HAPLN2: variants seen among roughly 807,000 people sequenced by gnomAD.
The protein encoded by HAPLN2 is brain link protein-1.
Under a neutral mutation model 29.3 loss-of-function variants are expected in HAPLN2, and 27 were observed. The ratio of observed to expected loss-of-function variants is 0.92; its 90% CI spans 0.68 to 1.27. The LOEUF (loss-of-function observed/expected upper bound fraction) is 1.27, where lower values mean the gene tolerates loss of function less well. Ranked by LOEUF, HAPLN2 falls within the 50% of genes most tolerant of loss-of-function variation. The pLI is 0.00. For missense variants in HAPLN2, 454 were observed against 484.3 expected, an observed-to-expected ratio of 0.94 and a Z score of 0.59; for synonymous variants, 208 against 211.7, an observed-to-expected ratio of 0.98 and a Z score of 0.15.
chr1:156,603,986 T>C, the HAPLN2 span, among the ~76,000 whole-genome samples: 2 of 152,106 alleles, frequency 1.3e-5, no homozygotes, highest in African/African-American at 4.8e-5. Flanking sequence ...AGCCTGTCCC[T>C]GGGGGCTATG....
the HAPLN2 span, among the ~76,000 whole-genome samples, chr1:156,609,463 C>A: frequency 3.7e-3 from 568 of 152,318 alleles, 5 homozygotes; most frequent in African/African-American, 0.013. Flanking sequence ...GTTAAATTAT[C>A]TACAATTAAG....
chr1:156,623,590 C>G lies in HAPLN2; in HGVS notation c.85+15C>G. 6.2e-7 allele frequency: 1 copy of G among 1,613,990 alleles called. No homozygotes were observed. The highest frequency in any genetic ancestry group is 8.5e-7 in the Non-Finnish European group (1 of 1,179,958). The stretch of plus-strand genomic sequence containing the variant: ...AGGAGACCCAGGTAAGACCCCAGCC[C>G]AGGCCAGAATCTGGGGGAGGCTTGG... On this transcript the variant is annotated intron_variant, in intron 3 of 6. Transcript: ENST00000255039.
At chr1:156,624,218 G>A in intron 4 of HAPLN2, 58 bp downstream of exon 4, 2 of 1,543,464 alleles carry the variant, frequency 1.3e-6, no homozygotes, top group Admixed American at 1.9e-5. Flanking sequence ...CCTCGCCTGG[G>A]TCTCCCAGGG....
At chr1:156,607,341 A>G in the HAPLN2 span, among the ~76,000 whole-genome samples, 4 of 152,124 alleles carry the variant, frequency 2.6e-5, no homozygotes, top group African/African-American at 4.8e-5. Context: ...TTAGCCAGGC[A>G]TGGTGGCACG....
At chr1:156,616,555 T>C (rs1001234390), upstream of HAPLN2, among the ~76,000 whole-genome samples, 2 of 152,142 alleles carry the variant, frequency 1.3e-5, no homozygotes, top group African/African-American at 4.8e-5. Flanking sequence ...GAAATGAGCC[T>C]GGGAATGGAT....
At chr1:156,603,071 T>G in the HAPLN2 span, among the ~76,000 whole-genome samples, 3 of 152,152 alleles carry the variant, frequency 2.0e-5, no homozygotes, top group Non-Finnish European at 4.4e-5. Flanking sequence ...CGATCGATCT[T>G]AATTACTGGA....
chr1:156,609,238 CCTCAGCA>C, the HAPLN2 span, among the ~76,000 whole-genome samples: 1 of 152,196 alleles, frequency 6.6e-6, no homozygotes, highest in Non-Finnish European at 1.5e-5. Context: ...CTGCAGGGGC[CCTCAGCA>C]CTGGGGATAC....
At chr1:156,605,444 CA>C in the HAPLN2 span, among the ~76,000 whole-genome samples, 1 of 149,700 alleles carries the variant, frequency 6.7e-6, no homozygotes, top group Non-Finnish European at 1.5e-5. Flanking sequence ...AAAAAAAATA[CA>C]AAAAATTAGC....
At chr1:156,613,981 T>TA in the HAPLN2 span, among the ~76,000 whole-genome samples, 1 of 150,320 alleles carries the variant, frequency 6.7e-6, no homozygotes, top group Non-Finnish European at 1.5e-5. Flanking sequence ...GTGTGATATA[T>TA]AAAAAAATCC....
At chr1:156,610,585 A>C in the HAPLN2 span, among the ~76,000 whole-genome samples, 1 of 152,000 alleles carries the variant, frequency 6.6e-6, no homozygotes, top group Admixed American at 6.6e-5. Flanking sequence ...GGTTGCAGTG[A>C]GCCGAGATCG....
chr1:156,621,227 C>T (rs1270559044), intron 2 of HAPLN2, among the ~76,000 whole-genome samples: 3 of 151,362 alleles, frequency 2.0e-5, no homozygotes, highest in African/African-American at 7.3e-5. Context: ...GCCTCAGCCT[C>T]CCGAGTAGCT....
chr1:156,612,757 C>A, the HAPLN2 span, among the ~76,000 whole-genome samples: 1 of 152,126 alleles, frequency 6.6e-6, no homozygotes, highest in Non-Finnish European at 1.5e-5. Context: ...GAGTTCATAG[C>A]TGGTTCCTTG....
intron 2 of HAPLN2, among the ~76,000 whole-genome samples, chr1:156,622,963 G>A (rs1571419117): frequency 6.6e-6 from 1 of 150,968 alleles, no homozygotes; most frequent in East Asian, 2.0e-4. Context: ...GGAGCTGGAA[G>A]TTAGGGGCTG....
At chr1:156,611,872 G>C in the HAPLN2 span, among the ~76,000 whole-genome samples, 1 of 151,968 alleles carries the variant, frequency 6.6e-6, no homozygotes, top group Non-Finnish European at 1.5e-5. Flanking sequence ...GAACTTTTTT[G>C]TTAGTTTGTT....
In HAPLN2 at chr1:156,623,861, C is replaced by T; in HGVS notation, c.140C>T (p.Ser47Phe). 1 of 1,559,824 alleles carries T rather than the reference C, an allele frequency of 6.4e-7. No individual in the cohort carries two copies. The highest frequency in any genetic ancestry group is 8.7e-7 in the Non-Finnish European group (1 of 1,153,572). Residue 47 changes from serine to phenylalanine, a missense_variant, in exon 4 of 7, where the codon TCT becomes TTT. Around this residue, in one of 3 missense-constraint regions of HAPLN2, gnomAD observed 204 missense variants for 209.2 expected, o/e 0.98. Transcript: ENST00000255039. ...LLPPIHEVIH[S>F]HRGATATLPC... ...CCCCCCATCCACGAGGTCATTCACT[C>T]TCATCGTGGGGCCACGGCCACGCTG...
At chr1:156,624,324 C>T (rs1218417184) in intron 4 of HAPLN2, 27 bp from the exon 5 acceptor site, 2 of 1,578,048 alleles carry the variant, frequency 1.3e-6, no homozygotes, top group African/African-American at 1.3e-5. Flanking sequence ...TCCGCTGGCC[C>T]TCCCCAGGAT....
chr1:156,610,336 G>A, the HAPLN2 span, among the ~76,000 whole-genome samples: 15 of 151,650 alleles, frequency 9.9e-5, no homozygotes, highest in Middle Eastern at 3.4e-3. Flanking sequence ...CATATTATTC[G>A]GTGGAAAAGC....
chr1:156,608,842 A>G, the HAPLN2 span, among the ~76,000 whole-genome samples: 2 of 152,158 alleles, frequency 1.3e-5, no homozygotes, highest in African/African-American at 4.8e-5. Flanking sequence ...TAGAGGGTGC[A>G]GGTTTCAAGG....
the HAPLN2 span, among the ~76,000 whole-genome samples, chr1:156,604,301 T>TC: frequency 1.3e-5 from 2 of 151,028 alleles, no homozygotes; most frequent in Non-Finnish European, 3.0e-5. Flanking sequence ...TTCTTTTTTT[T>TC]TTCTTTTTTT....
Sources: gnomAD v4.1 joint callset for allele counts (sites outside exome capture counted in the v4.1 genomes callset) on GRCh38, gnomAD v4.1.1 for gene constraint, gnomAD v4.1.1 regional missense constraint, MANE v1.5 for transcripts, NCBI Gene and HGNC (gene_info 2026-07-23, HGNC 2026-07-21) for gene names.